Variants in ARHGAP21 observed in about 807,000 individuals in gnomAD.
ARHGAP21 encodes rho GTPase-activating protein 21.
A neutral mutation model predicts 164.6 loss-of-function variants in ARHGAP21; 38 were observed. That is an observed-to-expected ratio of 0.23 (90% CI 0.18 to 0.30). The LOEUF (loss-of-function observed/expected upper bound fraction) is 0.30, where lower values mean the gene tolerates loss of function less well. Among genes scored for constraint, ARHGAP21 ranks in the 10% least tolerant of loss-of-function variants. ARHGAP21 has a pLI of 1.00. For synonymous variants in ARHGAP21, 766 were observed against 857.9 expected, an observed-to-expected ratio of 0.89 and a Z score of 1.87; for missense variants, 1,822 against 2,370.7, an observed-to-expected ratio of 0.77 and a Z score of 4.81.
intron 2 of ARHGAP21, among the ~76,000 whole-genome samples, chr10:24,714,843 A>C (rs1488710282): frequency 2.0e-5 from 3 of 152,074 alleles, no homozygotes; most frequent in African/African-American, 7.2e-5. Flanking sequence ...GACCATCCTA[A>C]CACGGTGAAA....
intron 7 of ARHGAP21, among the ~76,000 whole-genome samples, chr10:24,627,861 G>A (rs894569937): frequency 1.3e-5 from 2 of 152,142 alleles, no homozygotes; most frequent in Admixed American, 6.6e-5. Flanking sequence ...ATATCATGGC[G>A]ATTCTGCATT....
At chr10:24,718,027 G>A (rs1393704216) in intron 2 of ARHGAP21, among the ~76,000 whole-genome samples, 1 of 152,190 alleles carries the variant, frequency 6.6e-6, no homozygotes, top group Non-Finnish European at 1.5e-5. Context: ...AAGGGGACAA[G>A]GCTAAGTTAT....
intron 2 of ARHGAP21, among the ~76,000 whole-genome samples, chr10:24,708,149 C>T (rs1006582930): frequency 2.6e-5 from 4 of 152,162 alleles, no homozygotes; most frequent in Admixed American, 2.0e-4. Flanking sequence ...ATTCAAAGTC[C>T]TCAAAATCTG....
intron 2 of ARHGAP21, among the ~76,000 whole-genome samples, chr10:24,705,584 T>A (rs1413203363): frequency 6.6e-6 from 1 of 152,232 alleles, no homozygotes; most frequent in Non-Finnish European, 1.5e-5. Flanking sequence ...ATCACAGTTA[T>A]GGAAGAACTG....
At chr10:24,676,151 G>C (rs1841217663) in intron 2 of ARHGAP21, among the ~76,000 whole-genome samples, 1 of 151,822 alleles carries the variant, frequency 6.6e-6, no homozygotes, top group African/African-American at 2.4e-5. Context: ...CCGTGTCAGG[G>C]GGAAAAAACA....
At chr10:24,591,385 A>C in intron 23 of ARHGAP21, 55 bp from the exon 24 acceptor site, 1 of 1,453,744 alleles carries the variant, frequency 6.9e-7, no homozygotes, top group Non-Finnish European at 9.5e-7. Context: ...ACTTTCTTTA[A>C]AATTTAAACA....
chr10:24,678,917 C>T (rs762860217), intron 2 of ARHGAP21, among the ~76,000 whole-genome samples: 5 of 152,152 alleles, frequency 3.3e-5, no homozygotes, highest in Admixed American at 6.6e-5. Context: ...GGACATTCAC[C>T]GAGGTTGCTG....
intron 21 of ARHGAP21, among the ~76,000 whole-genome samples, chr10:24,594,185 A>G (rs2076473028): frequency 6.6e-6 from 1 of 152,110 alleles, no homozygotes; most frequent in Admixed American, 6.6e-5. Context: ...AATGCCCTTG[A>G]GTTAGAAAAT....
chr10:24,586,241 CTTTTT>C, intron 25 of ARHGAP21, 135 bp from the exon 26 acceptor site: 1 of 1,163,040 alleles, frequency 8.6e-7, no homozygotes, highest in Non-Finnish European at 1.1e-6. Context: ...GTGCAATTAG[CTTTTT>C]TTTTAATACC....
intron 7 of ARHGAP21, among the ~76,000 whole-genome samples, chr10:24,624,251 A>G (rs968495683): frequency 3.3e-5 from 5 of 152,114 alleles, no homozygotes; most frequent in South Asian, 2.1e-4. Context: ...ACTCAAAAGT[A>G]CAAACTTACT....
At chr10:24,601,541 ATTTG>A (rs1029031308) in intron 13 of ARHGAP21, among the ~76,000 whole-genome samples, 2 of 152,122 alleles carry the variant, frequency 1.3e-5, no homozygotes, top group African/African-American at 4.8e-5. Context: ...ATATTTTTAT[ATTTG>A]TTTAACTTAA....
chr10:24,587,127 T>A (rs1157407504), intron 25 of ARHGAP21, among the ~76,000 whole-genome samples: 1 of 152,134 alleles, frequency 6.6e-6, no homozygotes, highest in Admixed American at 6.5e-5. Context: ...TTGGGAAAGT[T>A]ATTTGCTATG....
chr10:24,585,496 C>A lies in ARHGAP21; in HGVS notation c.4793G>T (p.Ser1598Ile), dbSNP rs529388513. 38 of 1,614,184 alleles carry A rather than the reference C, an allele frequency of 2.4e-5. No individual in the cohort carries two copies. The Admixed American group carries it at 4.7e-4, about 20-fold the overall frequency. Residue 1598 changes from serine (S) to isoleucine (I), a missense_variant, in exon 26 of 26, where the codon AGC becomes ATC. Around this residue, in one of 5 missense-constraint regions of ARHGAP21, gnomAD observed 333 missense variants for 383.9 expected, o/e 0.87. Coordinates refer to ENST00000396432, the MANE Select transcript of ARHGAP21 (RefSeq NM_020824.4). ...AGGGCTCAGTCGACTGGAGTCCAGG[C>A]TAGTCAAGTATGTAGCAGACGATGT... ...STTSSATYLT[S>I]LDSSRLSPEV...
rs774357824 is a variant in ARHGAP21, at chr10:24,584,665, G to T, written c.5624C>A (p.Thr1875Lys). 1 of 1,613,958 alleles carries T rather than the reference G, an allele frequency of 6.2e-7. No individual in the cohort carries two copies. The highest frequency in any genetic ancestry group is 1.7e-5 in the Admixed American group (1 of 60,014). Reference protein sequence around the residue: ...LSRGEIGDPQTENPSTREIAT... With the variant: ...LSRGEIGDPQKENPSTREIAT... ...TATTTCTCGTGTGCTTGGGTTCTCT[G>T]TCTGGGGATCTCCGATTTCTCCTCT... The change falls in exon 26 of 26, where the codon ACA becomes AAA. Residue 1875 changes from threonine (T) to lysine (K), a missense_variant. This residue lies in a region of ARHGAP21 where 165 missense variants were observed against 176.6 expected (regional missense o/e 0.93). Transcript: ENST00000396432.
chr10:24,641,954 C>T (rs1287143589), intron 4 of ARHGAP21, among the ~76,000 whole-genome samples: 1 of 151,404 alleles, frequency 6.6e-6, no homozygotes, highest in Non-Finnish European at 1.5e-5. Flanking sequence ...CTAGACTGCG[C>T]CACTGCACTC....
intron 4 of ARHGAP21, among the ~76,000 whole-genome samples, chr10:24,666,106 T>C (rs1046005467): frequency 1.3e-4 from 20 of 152,192 alleles, no homozygotes; most frequent in African/African-American, 3.9e-4. Flanking sequence ...CTCGGCTCAC[T>C]GCAAGCTCTG....
At chr10:24,669,592 C>G (rs988632743) in intron 3 of ARHGAP21, among the ~76,000 whole-genome samples, 33 of 152,148 alleles carry the variant, frequency 2.2e-4, no homozygotes, top group African/African-American at 7.5e-4. Flanking sequence ...GCTAATAATA[C>G]CACCTGCTCC....
chr10:24,711,093 C>CAAAAA (rs11304785), intron 2 of ARHGAP21, among the ~76,000 whole-genome samples: 1 of 43,560 alleles, frequency 2.3e-5, no homozygotes, highest in Non-Finnish European at 3.9e-5. Flanking sequence ...GACTCCATCT[C>CAAAAA]AAAAAAAAAA....
intron 7 of ARHGAP21, among the ~76,000 whole-genome samples, chr10:24,628,836 C>CATATATACACATACAT (rs1200480541): frequency 7.1e-6 from 1 of 140,476 alleles, no homozygotes; most frequent in South Asian, 2.2e-4. Context: ...CATATATGTA[C>CATATATACACATACAT]ATATATACAC....
Sources: gnomAD v4.1 joint callset for allele counts (sites outside exome capture counted in the v4.1 genomes callset) on GRCh38, gnomAD v4.1.1 for gene constraint, gnomAD v4.1.1 regional missense constraint, MANE v1.5 for transcripts, NCBI Gene and HGNC (gene_info 2026-07-23, HGNC 2026-07-21) for gene names.